MYO5B: variants seen among roughly 807,000 people sequenced by gnomAD.
MYO5B encodes the protein unconventional myosin-Vb.
A neutral mutation model predicts 229.3 loss-of-function variants in MYO5B; 143 were observed. The ratio of observed to expected loss-of-function variants is 0.62; its 90% CI spans 0.54 to 0.72. The LOEUF (loss-of-function observed/expected upper bound fraction) is 0.72, where lower values mean the gene tolerates loss of function less well. Among genes scored for constraint, MYO5B ranks in the 30% least tolerant of loss-of-function variants. MYO5B has a pLI of 0.00. For missense variants in MYO5B, 2,321 were observed against 2,331.0 expected (o/e 1.00, Z 0.09); for synonymous variants, 918 against 885.2 (o/e 1.04, Z -0.66).
At chr18:50,065,530 CATG>C (rs749493282) in intron 1 of MYO5B, among the ~76,000 whole-genome samples, 16 of 152,132 alleles carry the variant, frequency 1.1e-4, no homozygotes, top group South Asian at 4.1e-4. Context: ...CATCAGATCT[CATG>C]ATAACTCACT....
chr18:50,174,674 T>C (rs2032970759), intron 1 of MYO5B, among the ~76,000 whole-genome samples: 1 of 152,178 alleles, frequency 6.6e-6, no homozygotes, highest in Admixed American at 6.5e-5. Flanking sequence ...CATCGTGAGT[T>C]CCTTCAAGGC....
intron 38 of MYO5B, among the ~76,000 whole-genome samples, chr18:49,835,742 T>TA (rs1264623726): frequency 6.6e-6 from 1 of 152,200 alleles, no homozygotes; most frequent in African/African-American, 2.4e-5. Flanking sequence ...GCCTCATATC[T>TA]ACTAGTAATT....
intron 20 of MYO5B, among the ~76,000 whole-genome samples, chr18:49,904,148 C>A (rs1241033100): frequency 6.6e-6 from 1 of 152,200 alleles, no homozygotes; most frequent in Admixed American, 6.5e-5. Context: ...AAATCTGATC[C>A]CCTATGTTGG....
intron 1 of MYO5B, among the ~76,000 whole-genome samples, chr18:50,094,009 C>T (rs979997061): frequency 1.3e-5 from 2 of 152,276 alleles, no homozygotes; most frequent in Non-Finnish European, 1.5e-5. Context: ...TCTCTGCCTT[C>T]GGAGTAACCA....
At chr18:49,841,533 AT>A in intron 34 of MYO5B, 79 bp from the exon 35 acceptor site, 1 of 1,299,574 alleles carries the variant, frequency 7.7e-7, no homozygotes, top group East Asian at 2.3e-5. Flanking sequence ...CTTTCCCCAC[AT>A]TTCCTACCCT....
chr18:49,954,549 C>T (rs1334319319), intron 12 of MYO5B, 114 bp from the exon 13 acceptor site: 15 of 1,353,784 alleles, frequency 1.1e-5, no homozygotes, highest in East Asian at 7.0e-5. Context: ...ATTCAGCCCT[C>T]GAACCAGGAC....
intron 1 of MYO5B, among the ~76,000 whole-genome samples, chr18:50,100,192 G>C (rs1331541143): frequency 6.6e-6 from 1 of 152,226 alleles, no homozygotes; most frequent in Non-Finnish European, 1.5e-5. Context: ...ATATTCACTA[G>C]AGTAAATACT....
chr18:50,021,405 C>T (rs183937233), intron 4 of MYO5B, among the ~76,000 whole-genome samples: 26 of 152,270 alleles, frequency 1.7e-4, no homozygotes, highest in Admixed American at 1.6e-3. Context: ...CTCACGAACT[C>T]GGTGCCTTTG....
chr18:49,891,487 A>T (rs947832993), intron 22 of MYO5B, among the ~76,000 whole-genome samples: 1 of 152,208 alleles, frequency 6.6e-6, no homozygotes, highest in Non-Finnish European at 1.5e-5. Flanking sequence ...CTTTTGCCCC[A>T]GTGTGTAGAA....
intron 4 of MYO5B, among the ~76,000 whole-genome samples, chr18:50,033,057 A>G (rs1178410031): frequency 6.6e-6 from 1 of 151,840 alleles, no homozygotes; most frequent in Non-Finnish European, 1.5e-5. Flanking sequence ...TCATAGGGGG[A>G]TTTTTGTTTT....
rs2276166 is a variant in MYO5B at position 49,937,236 on chromosome 18, G to A, written c.1905+9C>T. On this transcript the variant is annotated intron_variant, in intron 15 of 39. Transcript: ENST00000285039. ...CACCTCAGCCCATAGCTTTTGGTCC[G>A]GGGCTGACCTGGTGGCCAACGGTTT... 7.4e-6 allele frequency: 12 copies of A among 1,613,928 alleles called. No homozygotes were observed. The East Asian group carries it at 1.1e-4, about 15-fold the overall frequency.
At chr18:49,990,734 G>C (rs1046235318) in intron 6 of MYO5B, among the ~76,000 whole-genome samples, 2 of 152,190 alleles carry the variant, frequency 1.3e-5, no homozygotes, top group African/African-American at 4.8e-5. Context: ...TATATGTCTT[G>C]AATTATGCAA....
rs111776301 is a variant in MYO5B at position 50,114,254 on chromosome 18, T to C, written c.28-58876A>G. 7.2e-4 allele frequency among the ~76,000 whole-genome samples: 109 copies of C among 152,332 alleles called. 1 individual carries two copies. The highest frequency in any genetic ancestry group is 2.3e-3 in the African/African-American group (97 of 41,586). On this transcript the variant is annotated intron_variant, in intron 1 of 39. Coordinates refer to ENST00000285039, the MANE Select transcript of MYO5B (RefSeq NM_001080467.3). ...AGAACTTTGTTTCTTTAAACTGCCG[T>C]GCTGTTATAATACTGAGTTTATGTT...
intron 6 of MYO5B, among the ~76,000 whole-genome samples, chr18:49,990,847 G>C (rs2025924419): frequency 6.6e-6 from 1 of 152,186 alleles, no homozygotes; most frequent in Non-Finnish European, 1.5e-5. Flanking sequence ...CTTCTGTGCT[G>C]CTTGGCTGAT....
intron 14 of MYO5B, among the ~76,000 whole-genome samples, chr18:49,943,035 A>T (rs2144224947): frequency 6.6e-6 from 1 of 152,308 alleles, no homozygotes; most frequent in South Asian, 2.1e-4. Context: ...CTATGCAGTC[A>T]TAAAAAAATG....
At chr18:49,835,197 TAAGTAGA>T (rs2023973203) in intron 39 of MYO5B, 140 bp downstream of exon 39, 1 of 656,940 alleles carries the variant, frequency 1.5e-6, no homozygotes, top group Non-Finnish European at 2.7e-6. Context: ...CATGTTTACC[TAAGTAGA>T]AAGTCTAGGA....
chr18:49,974,631 G>A lies in MYO5B; in HGVS notation c.1057-16C>T. On this transcript the variant is annotated splice_polypyrimidine_tract_variant and intron_variant, in intron 9 of 39. Coordinates refer to ENST00000285039, the MANE Select transcript of MYO5B (RefSeq NM_001080467.3). Reference sequence around the variant, plus strand: ...CATCCTGGGGCTGTGGGAGATGGGGGAGATAGGTTCAGGAGGAGTGTGGGA... The same window carrying A: ...CATCCTGGGGCTGTGGGAGATGGGGAAGATAGGTTCAGGAGGAGTGTGGGA... 1 of 1,611,868 alleles carries A rather than the reference G, an allele frequency of 6.2e-7. No individual in the cohort carries two copies. The highest frequency in any genetic ancestry group is 8.5e-7 in the Non-Finnish European group (1 of 1,178,944).
chr18:50,116,498 T>C (rs1237161433), intron 1 of MYO5B, among the ~76,000 whole-genome samples: 1 of 152,030 alleles, frequency 6.6e-6, no homozygotes, highest in East Asian at 1.9e-4. Flanking sequence ...TTCCCCTCTG[T>C]AGCAAGAGAC....
At chr18:49,942,552 C>T (rs963219162) in intron 14 of MYO5B, among the ~76,000 whole-genome samples, 7 of 151,794 alleles carry the variant, frequency 4.6e-5, no homozygotes, top group African/African-American at 1.7e-4. Flanking sequence ...AAAGTGGGCG[C>T]AGGATATGAA....
Sources: allele counts gnomAD v4.1 joint callset (sites outside exome capture counted in the v4.1 genomes callset), GRCh38; gene constraint gnomAD v4.1.1; transcripts MANE v1.5; gene names NCBI Gene and HGNC (gene_info 2026-07-23, HGNC 2026-07-21).